Variants in CFAP251 observed in about 807,000 individuals in gnomAD.
The protein encoded by CFAP251 is cilia and flagella associated protein 251.
CFAP251 carries 93 observed loss-of-function variants against 126.7 expected under a neutral mutation model. That is an observed-to-expected ratio of 0.73 (90% CI 0.62 to 0.87). CFAP251 has a LOEUF of 0.87. CFAP251 is among the 40% of genes least tolerant of loss of function. The pLI is 0.00. For synonymous variants in CFAP251, 503 were observed against 506.9 expected, an observed-to-expected ratio of 0.99 and a Z score of 0.10; for missense variants, 1,287 against 1,389.2, an observed-to-expected ratio of 0.93 and a Z score of 1.17.
In CFAP251 at chr12:122,001,490, C is replaced by T; in HGVS notation, c.3236-7C>T. The T allele has an allele frequency of 1.2e-6, 2 of 1,612,140 alleles. No individual in the cohort carries two copies. Among genetic ancestry groups the T allele is most frequent in the South Asian group, 2.2e-5 (2 of 91,034 alleles). On this transcript the variant is annotated splice_polypyrimidine_tract_variant and splice_region_variant and intron_variant, in intron 20 of 21. Transcript: ENST00000288912. ...AAACAATCACCTTCTCACTCTTTGA[C>T]ACACAGGTGAGCATATGACGGAGGA... is the stretch of plus-strand genomic sequence containing the variant.
chr12:121,922,824 C>G (rs1477464135), intron 2 of CFAP251, among the ~76,000 whole-genome samples: 1 of 152,142 alleles, frequency 6.6e-6, no homozygotes, highest in Non-Finnish European at 1.5e-5. Context: ...GAGTCTCGCT[C>G]TGTCGCCCAG....
At chr12:121,924,652 G>A (rs1190783037) in intron 3 of CFAP251, among the ~76,000 whole-genome samples, 2 of 147,548 alleles carry the variant, frequency 1.4e-5, no homozygotes, top group East Asian at 2.0e-4. Context: ...GGGTGATCTC[G>A]ATCTCTGGAC....
At chr12:121,962,708 A>AAAAAAGG (rs1555218770) in intron 15 of CFAP251, among the ~76,000 whole-genome samples, 44 of 148,076 alleles carry the variant, frequency 3.0e-4, no homozygotes, top group Admixed American at 5.4e-4. Context: ...AGAAAAAAAA[A>AAAAAAGG]AAAAGGAAAA....
At chr12:121,963,459 T>A (rs1026489350) in intron 15 of CFAP251, among the ~76,000 whole-genome samples, 2 of 151,414 alleles carry the variant, frequency 1.3e-5, no homozygotes, top group Admixed American at 1.3e-4. Flanking sequence ...GAGGCTGGGC[T>A]GGAGTCAGGA....
rs1420991704 is a variant in CFAP251, at chr12:121,994,024, G to T, written c.3007-5692G>T. 2.7e-4 allele frequency among the ~76,000 whole-genome samples: 22 copies of T among 82,334 alleles called. 1 individual carries two copies. The highest frequency in any genetic ancestry group is 9.3e-4 in the African/African-American group (21 of 22,654). 54.0% of individuals were successfully genotyped at this position (82,334 alleles called of 152,430 possible). ...GCCGCCCCGTCCGGGAGGGAGGTGG[G>T]GGGGGGGTCAGCCCCCCCGCCTGGC... On this transcript the variant is annotated intron_variant, in intron 19 of 21. Coordinates refer to ENST00000288912, the MANE Select transcript of CFAP251 (RefSeq NM_144668.6).
chr12:121,995,192 T>C (rs959880559), intron 19 of CFAP251, among the ~76,000 whole-genome samples: 4 of 152,212 alleles, frequency 2.6e-5, no homozygotes, highest in Admixed American at 1.3e-4. Flanking sequence ...GAGCCAGAGT[T>C]TGAACCTAGG....
At chr12:121,939,718 C>T (rs568549110) in intron 5 of CFAP251, among the ~76,000 whole-genome samples, 1 of 152,236 alleles carries the variant, frequency 6.6e-6, no homozygotes, top group African/African-American at 2.4e-5. Flanking sequence ...TATTCAGAGG[C>T]TGTTTTGGTT....
In CFAP251 at chr12:121,951,462, A is replaced by T. The variant is rs754647714; in HGVS notation, c.1270-18A>T. 1.2e-5 allele frequency: 18 copies of T among 1,518,206 alleles called. No individual in the cohort carries two copies. The highest frequency in any genetic ancestry group is 1.7e-4 in the Middle Eastern group (1 of 5,730). The allele number at this position is 1,518,206 out of a possible 1,614,324, so 94.0% of individuals were successfully genotyped here. On this transcript the variant is annotated intron_variant, in intron 8 of 21. Coordinates refer to ENST00000288912, the MANE Select transcript of CFAP251 (RefSeq NM_144668.6). ...AACTGGGTCTTTTTGAGTAGTGATT[A>T]TTTTTTCCTCTTATCAGTATGAAGA... is the stretch of plus-strand genomic sequence containing the variant.
intron 19 of CFAP251, chr12:121,992,620 C>T: frequency 1.6e-6 from 1 of 609,146 alleles, no homozygotes; most frequent in African/African-American, 2.0e-5. Flanking sequence ...TCCTGTTGCC[C>T]AGGCTGGAGT....
chr12:121,947,295 C>T (rs532121436), intron 7 of CFAP251, among the ~76,000 whole-genome samples: 2 of 152,072 alleles, frequency 1.3e-5, no homozygotes, highest in Admixed American at 6.6e-5. Context: ...CCATTTGATT[C>T]TTTTTTAAGT....
intron 9 of CFAP251, chr12:121,952,656 T>G (rs1472248754): frequency 6.6e-6 from 1 of 152,188 alleles, no homozygotes; most frequent in Non-Finnish European, 1.5e-5. Flanking sequence ...CTGCATTTGC[T>G]GCCCATGTAA....
At chr12:121,926,048 G>A (rs1171238350) in intron 3 of CFAP251, among the ~76,000 whole-genome samples, 2 of 79,134 alleles carry the variant, frequency 2.5e-5, no homozygotes, top group African/African-American at 1.0e-4. Flanking sequence ...TTTTTTTTTA[G>A]TAGAGACGGA....
At chr12:121,995,813 A>G (rs1363052724) in intron 19 of CFAP251, among the ~76,000 whole-genome samples, 1 of 152,224 alleles carries the variant, frequency 6.6e-6, no homozygotes, top group Admixed American at 6.5e-5. Flanking sequence ...AATATGTGGC[A>G]TCTCTGAAAC....
intron 13 of CFAP251, 144 bp downstream of exon 13, chr12:121,959,238 A>C (rs746653678): frequency 1.5e-4 from 133 of 884,338 alleles, no homozygotes; most frequent in Admixed American, 4.0e-4. Context: ...GGAATTCAAG[A>C]CCAGCCTAGG....
At position 121,944,808 on chromosome 12, in the gene CFAP251, AG is replaced by A. The variant is rs1881254319; in HGVS notation, c.1191+1836del. ...AATGAAAAAAAATCTTTTTTGAGAC[AG>A]GGTCTCACTGCTGTCCAGTCTGGAG... is the stretch of plus-strand genomic sequence containing the variant. On this transcript the variant is annotated intron_variant, in intron 7 of 21. Transcript: ENST00000288912. Among the ~76,000 whole-genome samples, 4 of 152,292 alleles carry A rather than the reference AG, an allele frequency of 2.6e-5. No individual in the cohort carries two copies. In the South Asian group the frequency reaches 8.3e-4, roughly 32 times the overall value.
intron 17 of CFAP251, chr12:121,971,448 T>A (rs1409930342): frequency 1.5e-6 from 1 of 686,540 alleles, no homozygotes; most frequent in Non-Finnish European, 2.7e-6. Context: ...AGGAGTGTGC[T>A]GATACCCATT....
intron 5 of CFAP251, among the ~76,000 whole-genome samples, chr12:121,940,840 A>G (rs1276089244): frequency 6.6e-6 from 1 of 152,130 alleles, no homozygotes; most frequent in African/African-American, 2.4e-5. Flanking sequence ...CAGAGGAACC[A>G]TTGCTTACAG....
intron 19 of CFAP251, among the ~76,000 whole-genome samples, chr12:121,979,651 G>A (rs1386986710): frequency 1.4e-5 from 2 of 138,540 alleles, no homozygotes; most frequent in Non-Finnish European, 3.0e-5. Context: ...TGCAATCTCC[G>A]CCTCCCAGGT....
chr12:121,943,279 C>T (rs902984324), intron 7 of CFAP251, among the ~76,000 whole-genome samples: 1 of 152,098 alleles, frequency 6.6e-6, no homozygotes, highest in Admixed American at 6.5e-5. Flanking sequence ...CGCCACTGCA[C>T]TCCAGCCTCG....
Sources: gnomAD v4.1 joint callset for allele counts (sites outside exome capture counted in the v4.1 genomes callset) on GRCh38, gnomAD v4.1.1 for gene constraint, MANE v1.5 for transcripts, NCBI Gene and HGNC (gene_info 2026-07-23, HGNC 2026-07-21) for gene names.